The following ZMYND8 variants were observed in gnomAD, a reference collection of about 807,000 sequenced individuals.
ZMYND8 encodes the protein MYND-type zinc finger-containing chromatin reader ZMYND8.
A neutral mutation model predicts 140.8 loss-of-function variants in ZMYND8; 37 were observed. The observed-to-expected ratio is 0.26, with a 90% CI of 0.20 to 0.35. The LOEUF (loss-of-function observed/expected upper bound fraction) is 0.35. Among genes scored for constraint, ZMYND8 ranks in the 10% least tolerant of loss-of-function variants. ZMYND8 has a pLI of 1.00. For missense variants in ZMYND8, 1,068 were observed against 1,570.0 expected, an observed-to-expected ratio of 0.68 and a Z score of 5.40; for synonymous variants, 592 against 597.1, an observed-to-expected ratio of 0.99 and a Z score of 0.12.
In ZMYND8 at chr20:47,230,349, G is replaced by A. The variant is rs562557572; in HGVS notation, c.2857-543C>T. Among the ~76,000 whole-genome samples, 300 of 151,668 alleles carry A rather than the reference G, an allele frequency of 2.0e-3. 1 individual carries two copies. The highest frequency in any genetic ancestry group is 3.6e-3 in the Admixed American group (55 of 15,230). On this transcript the variant is annotated intron_variant, in intron 16 of 22. Coordinates refer to ENST00000471951, the MANE Select transcript of ZMYND8 (RefSeq NM_001281775.3). ...CTCTGTTGCCCAGACTGGAGTGCAG[G>A]GGCGTGATCTTGGCTCACTGCTACC...
rs1422640944 is a variant in ZMYND8, at chr20:47,221,330, C to T, written c.3401G>A (p.Ser1134Asn). The change falls in exon 20 of 23, where the codon AGC (serine) becomes AAC (asparagine). Residue 1134 changes from serine to asparagine, a missense_variant. By Grantham distance (46) the Ser-to-Asn change is conservative. Transcript: ENST00000471951. ...SKEKETSAEK[S>N]KESGSTLDLS... is the part of the protein sequence containing the mutation. Reference sequence around the variant, plus strand: ...GATCCTCACCGAGCCACTCTCCTTGCTTTTCTCAGCTGACGTCTCCTTCTC... The same window carrying T: ...GATCCTCACCGAGCCACTCTCCTTGTTTTTCTCAGCTGACGTCTCCTTCTC... 9 of 1,614,132 alleles carry T rather than the reference C, an allele frequency of 5.6e-6. No individual in the cohort carries two copies. The highest frequency in any genetic ancestry group is 7.6e-6 in the Non-Finnish European group (9 of 1,180,006).
intron 12 of ZMYND8, among the ~76,000 whole-genome samples, chr20:47,255,747 TATATATATATATATATAC>T (rs1453082469): frequency 1.2e-4 from 10 of 83,690 alleles, no homozygotes; most frequent in East Asian, 4.3e-4. Context: ...TATATATATA[TATATATATATATATATAC>T]GGTATATATA....
chr20:47,248,204 G>A (rs555608281), intron 13 of ZMYND8, among the ~76,000 whole-genome samples: 1 of 152,274 alleles, frequency 6.6e-6, no homozygotes, highest in Admixed American at 6.5e-5. Context: ...AACCTCCCAA[G>A]ACAATCTATA....
chr20:47,254,402 A>G (rs1251781854), intron 12 of ZMYND8, among the ~76,000 whole-genome samples: 1 of 152,202 alleles, frequency 6.6e-6, no homozygotes, highest in Non-Finnish European at 1.5e-5. Flanking sequence ...CACGTGGGCA[A>G]AAGGGTTCTT....
chr20:47,255,990 C>T (rs1195942896), intron 12 of ZMYND8, among the ~76,000 whole-genome samples: 1 of 139,860 alleles, frequency 7.2e-6, no homozygotes, highest in African/African-American at 2.7e-5. Flanking sequence ...GGAGAATCAC[C>T]CGAACCCAGG....
chr20:47,356,227 C>T (rs2083219943), intron 1 of ZMYND8, among the ~76,000 whole-genome samples: 1 of 141,122 alleles, frequency 7.1e-6, no homozygotes, highest in Non-Finnish European at 1.5e-5. Context: ...CTTCCATTTT[C>T]TTCCCCCAGC....
At chr20:47,310,703 T>G (rs1000155042) in intron 2 of ZMYND8, among the ~76,000 whole-genome samples, 7 of 150,674 alleles carry the variant, frequency 4.6e-5, no homozygotes, top group Non-Finnish European at 7.4e-5. Flanking sequence ...GGAGAACTGC[T>G]TGAACCCAGG....
intron 18 of ZMYND8, 69 bp downstream of exon 18, chr20:47,227,134 G>A (rs909040035): frequency 6.6e-7 from 1 of 1,504,770 alleles, no homozygotes; most frequent in Non-Finnish European, 9.2e-7. Context: ...ATCTCGGCTT[G>A]ACTCCAGAGG....
At chr20:47,304,235 G>A (rs1326079120) in intron 3 of ZMYND8, among the ~76,000 whole-genome samples, 1 of 152,160 alleles carries the variant, frequency 6.6e-6, no homozygotes, top group Admixed American at 6.6e-5. Context: ...TCCATAGGCT[G>A]GCTAACAAGA....
At position 47,276,299 on chromosome 20, in the gene ZMYND8, C is replaced by T; in HGVS notation, c.1480+15G>A. On this transcript the variant is annotated intron_variant, in intron 11 of 22. Coordinates refer to ENST00000471951, the MANE Select transcript of ZMYND8 (RefSeq NM_001281775.3). The stretch of plus-strand genomic sequence containing the variant: ...TCCAAGGGGCCTCCTCCCCGCTCCC[C>T]CGCACGGAGCTGACCTGTGCTCTTA... The T allele has an allele frequency of 6.6e-7, 1 of 1,518,162 alleles. No individual in the cohort carries two copies. Among genetic ancestry groups the T allele is most frequent in the South Asian group, 1.3e-5 (1 of 78,080 alleles). The allele number at this position is 1,518,162 out of a possible 1,614,324, so 94.0% of individuals were successfully genotyped here.
At chr20:47,258,225 A>C (rs1378265509) in intron 12 of ZMYND8, among the ~76,000 whole-genome samples, 1 of 152,230 alleles carries the variant, frequency 6.6e-6, no homozygotes, top group Non-Finnish European at 1.5e-5. Flanking sequence ...CACAGGAGAC[A>C]TTCAGGTATC....
intron 11 of ZMYND8, among the ~76,000 whole-genome samples, chr20:47,273,483 T>C (rs775865483): frequency 2.0e-5 from 3 of 152,018 alleles, no homozygotes; most frequent in Non-Finnish European, 2.9e-5. Context: ...GAGGTGGAGG[T>C]TGCAGTGAGC....
chr20:47,261,624 TAGA>T (rs1284912070), intron 12 of ZMYND8, among the ~76,000 whole-genome samples: 4 of 151,984 alleles, frequency 2.6e-5, no homozygotes, highest in African/African-American at 9.7e-5. Context: ...GTGTAAGAAT[TAGA>T]AGAAGAGAAT....
chr20:47,236,466 G>A lies in ZMYND8; in HGVS notation c.2716C>T (p.Leu906=). 6.2e-7 allele frequency: 1 copy of A among 1,610,254 alleles called. No homozygotes were observed. The highest frequency in any genetic ancestry group is 8.5e-7 in the Non-Finnish European group (1 of 1,177,914). Residue 906 remains leucine (L), a synonymous_variant, in exon 16 of 23, where the codon CTG becomes TTG. Coordinates refer to ENST00000471951, the MANE Select transcript of ZMYND8 (RefSeq NM_001281775.3). ...GGCGATGACTGTGTGCTGGTCACCA[G>A]GGTGATGGTGGACGTGGATGGGCTC... ...TQSPSTSTIT[L]VTSTQSSPLV... is the part of the protein sequence containing the mutation.
chr20:47,225,931 G>A (rs867177157), intron 18 of ZMYND8, among the ~76,000 whole-genome samples: 3 of 151,806 alleles, frequency 2.0e-5, no homozygotes, highest in African/African-American at 4.8e-5. Context: ...TGGGTGGATC[G>A]CTTGAGGCCA....
intron 19 of ZMYND8, among the ~76,000 whole-genome samples, chr20:47,221,776 CTT>C (rs2036991284): frequency 6.6e-6 from 1 of 152,234 alleles, no homozygotes; most frequent in African/African-American, 2.4e-5. Context: ...AAGTGATTCT[CTT>C]GTCTCAGCCC....
At chr20:47,239,900 G>A (rs954356134) in intron 14 of ZMYND8, among the ~76,000 whole-genome samples, 7 of 152,200 alleles carry the variant, frequency 4.6e-5, no homozygotes, top group African/African-American at 1.7e-4. Flanking sequence ...AGTCTAAAAT[G>A]AGTTTATACT....
At chr20:47,288,930 C>T (rs1182883267) in intron 7 of ZMYND8, among the ~76,000 whole-genome samples, 1 of 151,982 alleles carries the variant, frequency 6.6e-6, no homozygotes, top group African/African-American at 2.4e-5. Flanking sequence ...GGCGAAACCC[C>T]ATCTCTACTA....
intron 2 of ZMYND8, among the ~76,000 whole-genome samples, chr20:47,336,495 C>A (rs2081394311): frequency 6.6e-6 from 1 of 152,200 alleles, no homozygotes; most frequent in South Asian, 2.1e-4. Context: ...GATCAAGACG[C>A]AAGCAGCCCA....
Sources: allele counts gnomAD v4.1 joint callset (sites outside exome capture counted in the v4.1 genomes callset), GRCh38; gene constraint gnomAD v4.1.1; transcripts MANE v1.5; gene names NCBI Gene and HGNC (gene_info 2026-07-23, HGNC 2026-07-21).